The following NTM variants were observed in gnomAD, a reference collection of about 807,000 sequenced individuals.
The protein encoded by NTM is neurotrimin.
NTM carries 13 observed loss-of-function variants against 42.1 expected under a neutral mutation model. The ratio of observed to expected loss-of-function variants is 0.31; its 90% CI spans 0.20 to 0.49. The LOEUF is 0.49. Among genes scored for constraint, NTM ranks in the 20% least tolerant of loss-of-function variants. The probability of loss-of-function intolerance (pLI) is 0.99; values close to 1 mark genes in which losing one functional copy is unlikely to be tolerated. For missense variants in NTM, 373 were observed against 452.8 expected (o/e 0.82, Z 1.60); for synonymous variants, 187 against 179.2 (o/e 1.04, Z -0.35).
At chr11:132,226,999 G>A (rs1566523440) in intron 4 of NTM, among the ~76,000 whole-genome samples, 1 of 152,172 alleles carries the variant, frequency 6.6e-6, no homozygotes, top group Non-Finnish European at 1.5e-5. Flanking sequence ...AAAATGTTGA[G>A]TAGATAGTTG....
intron 1 of NTM, among the ~76,000 whole-genome samples, chr11:131,884,780 G>C (rs1222978155): frequency 6.6e-6 from 1 of 152,172 alleles, no homozygotes; most frequent in Non-Finnish European, 1.5e-5. Context: ...GTCACCTGTG[G>C]GTTCCTGGGA....
intron 2 of NTM, among the ~76,000 whole-genome samples, chr11:131,916,658 TA>T (rs2056435976): frequency 6.6e-6 from 1 of 152,178 alleles, no homozygotes; most frequent in South Asian, 2.1e-4. Flanking sequence ...TTTCATTTGA[TA>T]AGCAGATGGA....
At chr11:132,009,346 T>C (rs1421304333) in intron 2 of NTM, among the ~76,000 whole-genome samples, 2 of 152,118 alleles carry the variant, frequency 1.3e-5, no homozygotes, top group South Asian at 2.1e-4. Context: ...CAGTTTGAGA[T>C]TGGAACAGCA....
At chr11:131,403,920 C>T (rs972869805) in intron 1 of NTM, among the ~76,000 whole-genome samples, 1 of 151,984 alleles carries the variant, frequency 6.6e-6, no homozygotes, top group Non-Finnish European at 1.5e-5. Flanking sequence ...GCTCTGGGGC[C>T]TCTCCTCTCT....
intron 1 of NTM, among the ~76,000 whole-genome samples, chr11:131,632,102 C>T (rs1197268952): frequency 6.6e-6 from 1 of 152,142 alleles, no homozygotes; most frequent in Non-Finnish European, 1.5e-5. Context: ...TTCTTAATTT[C>T]AAGGCCATTC....
intron 1 of NTM, among the ~76,000 whole-genome samples, chr11:131,838,605 A>G (rs887198578): frequency 6.6e-6 from 1 of 152,216 alleles, no homozygotes; most frequent in Non-Finnish European, 1.5e-5. Context: ...GAAGTGATCA[A>G]TGGAAAATAT....
rs574404980 is a variant in NTM, at chr11:132,009,678, C to G, written c.167+98030C>G. ...CTTGGAAGATGGCATTATAAGACTGCTTCCAAGGAAAGCGTGCTTTTATTA... is the reference window on the plus strand; with the variant it reads ...CTTGGAAGATGGCATTATAAGACTGGTTCCAAGGAAAGCGTGCTTTTATTA... On this transcript the variant is annotated intron_variant, in intron 2 of 8. Transcript: ENST00000683400. 2.0e-5 allele frequency among the ~76,000 whole-genome samples: 3 copies of G among 152,346 alleles called. No homozygotes were observed. The South Asian group carries it at 6.2e-4, about 32-fold the overall frequency.
At chr11:132,006,791 C>T (rs2070895128) in intron 2 of NTM, among the ~76,000 whole-genome samples, 1 of 152,356 alleles carries the variant, frequency 6.6e-6, no homozygotes, top group South Asian at 2.1e-4. Flanking sequence ...TCTCAAGCCC[C>T]TTGTCCTCTG....
intron 6 of NTM, among the ~76,000 whole-genome samples, chr11:132,314,194 G>T (rs551886988): frequency 3.1e-4 from 47 of 151,968 alleles, no homozygotes; most frequent in Middle Eastern, 3.4e-3. Flanking sequence ...TCATCATCAG[G>T]CCCACACATT....
At chr11:131,390,251 A>G (rs1358206530) in intron 1 of NTM, among the ~76,000 whole-genome samples, 1 of 152,098 alleles carries the variant, frequency 6.6e-6, no homozygotes, top group Non-Finnish European at 1.5e-5. Flanking sequence ...TAAACAACCA[A>G]CTTTCGAGTG....
rs978644189 is a variant in NTM at position 131,774,128 on chromosome 11, C to A, written c.83-137436C>A. 3.0e-6 allele frequency: 3 copies of A among 984,990 alleles called. No homozygotes were observed. In the African/African-American group the frequency reaches 5.2e-5, roughly 17 times the overall value. The allele number at this position is 984,990 out of a possible 1,614,324, so 61.0% of individuals were successfully genotyped here. A position where few individuals can be genotyped will look rare whatever the true frequency, so the allele number is the denominator to read the frequency against. ...CAAGCTTACAGTACTTAATCATCAG[C>A]GAATTCTTCATAAATGTCAGTGGGA... On this transcript the variant is annotated intron_variant, in intron 1 of 8. Coordinates refer to ENST00000683400, the MANE Select transcript of NTM (RefSeq NM_001352005.2).
intron 1 of NTM, among the ~76,000 whole-genome samples, chr11:131,409,604 C>T (rs764001671): frequency 3.3e-5 from 5 of 152,188 alleles, no homozygotes; most frequent in East Asian, 1.9e-4. Flanking sequence ...TTGAGAAGGT[C>T]GAGCAGGCCT....
chr11:131,597,253 G>A (rs1315962586), intron 1 of NTM, among the ~76,000 whole-genome samples: 2 of 152,096 alleles, frequency 1.3e-5, no homozygotes, highest in Admixed American at 6.5e-5. Context: ...TTAATGCCAC[G>A]TGGGAGGTTC....
chr11:132,162,665 G>A (rs1591927932), intron 3 of NTM, among the ~76,000 whole-genome samples: 1 of 149,286 alleles, frequency 6.7e-6, no homozygotes. Flanking sequence ...TGGGGCTTGT[G>A]TGAGTGTGTG....
intron 1 of NTM, among the ~76,000 whole-genome samples, chr11:131,597,789 C>T (rs979910327): frequency 1.3e-5 from 2 of 152,238 alleles, no homozygotes; most frequent in African/African-American, 4.8e-5. Flanking sequence ...CATCTCCCAG[C>T]ACCAAGCAGC....
intron 4 of NTM, among the ~76,000 whole-genome samples, chr11:132,233,129 G>C (rs943025959): frequency 2.6e-5 from 4 of 152,158 alleles, no homozygotes; most frequent in Non-Finnish European, 5.9e-5. Flanking sequence ...GTTTTAGAAT[G>C]GGGCCAGACA....
chr11:132,229,707 T>C (rs1397536364), intron 4 of NTM, among the ~76,000 whole-genome samples: 2 of 152,138 alleles, frequency 1.3e-5, no homozygotes, highest in Non-Finnish European at 2.9e-5. Context: ...TAGTGTTTTG[T>C]CTTGTTCTAC....
chr11:132,135,880 A>T (rs1032194476), intron 2 of NTM, among the ~76,000 whole-genome samples: 1 of 152,188 alleles, frequency 6.6e-6, no homozygotes, highest in Non-Finnish European at 1.5e-5. Flanking sequence ...TGGAATGACA[A>T]CAGGCCCCAG....
At chr11:131,671,662 G>A in intron 1 of NTM, 1 of 945,364 alleles carries the variant, frequency 1.1e-6, no homozygotes, top group Non-Finnish European at 1.3e-6. Context: ...AGACTCAGCG[G>A]TATAGGAAGC....
Sources: gnomAD v4.1 joint callset for allele counts (sites outside exome capture counted in the v4.1 genomes callset) on GRCh38, gnomAD v4.1.1 for gene constraint, MANE v1.5 for transcripts, NCBI Gene and HGNC (gene_info 2026-07-23, HGNC 2026-07-21) for gene names.